SPG11: variants seen among roughly 807,000 people sequenced by gnomAD.
SPG11 encodes the protein SPG11 vesicle trafficking associated, spatacsin, also known as spatacsin.
In SPG11, 222 loss-of-function variants were observed where a neutral mutation model predicts 274.0. The ratio of observed to expected loss-of-function variants is 0.81; its 90% confidence interval spans 0.73 to 0.91. SPG11 has a LOEUF of 0.91. Ranked by LOEUF, SPG11 falls within the 40% of genes least tolerant of loss-of-function variation. The probability of loss-of-function intolerance (pLI) is 0.00; values close to 1 mark genes in which losing one functional copy is unlikely to be tolerated. For missense variants in SPG11, 3,114 were observed against 2,872.7 expected (o/e 1.08, Z -1.92); for synonymous variants, 1,144 against 1,039.7 (o/e 1.10, Z -1.93).
chr15:44,647,393 C>T (rs775046852), intron 7 of SPG11, among the ~76,000 whole-genome samples: 30 of 152,068 alleles, frequency 2.0e-4, no homozygotes, highest in Non-Finnish European at 4.3e-4. Context: ...TAATAAATGA[C>T]CCAGTAATTC....
At chr15:44,632,832 C>T (rs2084112095) in intron 8 of SPG11, among the ~76,000 whole-genome samples, 1 of 152,100 alleles carries the variant, frequency 6.6e-6, no homozygotes, top group African/African-American at 2.4e-5. Context: ...AAATCCTAAT[C>T]CACAACTCAG....
At chr15:44,629,189 C>A (rs769556241) in intron 9 of SPG11, 44 bp downstream of exon 9, 10 of 1,599,674 alleles carry the variant, frequency 6.3e-6, no homozygotes, top group Middle Eastern at 1.7e-4. Flanking sequence ...TCTGTTCTGA[C>A]ACAGGAACAG....
At chr15:44,631,953 T>G (rs1319768249) in intron 8 of SPG11, among the ~76,000 whole-genome samples, 1 of 151,362 alleles carries the variant, frequency 6.6e-6, no homozygotes, top group East Asian at 1.9e-4. Flanking sequence ...AGACCACACA[T>G]GCACACCACC....
In SPG11 at chr15:44,629,399, A is replaced by T. The variant is rs12907846; in HGVS notation, c.1736-11T>A. ...TCAGCTCTTCCACATCTGAGAAAGA[A>T]CCAAAGAAATTAACATAAAGAACAC... On this transcript the variant is annotated splice_polypyrimidine_tract_variant and intron_variant, in intron 8 of 39. Transcript: ENST00000261866. 1.2e-6 allele frequency: 2 copies of T among 1,613,740 alleles called. No individual in the cohort carries two copies. Among genetic ancestry groups the T allele is most frequent in the Non-Finnish European group, 1.7e-6 (2 of 1,179,810 alleles).
intron 12 of SPG11, 158 bp downstream of exon 12, chr15:44,622,570 T>C (rs1056368491): frequency 3.9e-6 from 3 of 766,900 alleles, no homozygotes; most frequent in Non-Finnish European, 4.3e-6. Flanking sequence ...TGAAGAAAGA[T>C]GAAGGGGAAA....
intron 7 of SPG11, among the ~76,000 whole-genome samples, chr15:44,646,790 A>G (rs1860812281): frequency 6.6e-6 from 1 of 152,112 alleles, no homozygotes; most frequent in Non-Finnish European, 1.5e-5. Flanking sequence ...CACATGAACA[A>G]AAAGAAGAGA....
At position 44,596,305 on chromosome 15, in the gene SPG11, C is replaced by G; in HGVS notation, c.4212G>C (p.Arg1404Ser). ...CTGAGGGCAAGTTCTCAAAAGCCAG[C>G]CTTAAGTGGTCTTGAATGACTGGGC... ...YFSPVIQDHL[R>S]LAFENLPSVP... The change falls in exon 25 of 40, where the codon AGG becomes AGC. Residue 1404 changes from arginine to serine, a missense_variant. Physicochemically the swap from Arg to Ser is moderately radical, Grantham distance 110 (BLOSUM62 -1). Transcript: ENST00000261866. 1 of 1,614,114 alleles carries G rather than the reference C, an allele frequency of 6.2e-7. No homozygotes were observed. The highest frequency in any genetic ancestry group is 8.5e-7 in the Non-Finnish European group (1 of 1,180,002).
intron 11 of SPG11, among the ~76,000 whole-genome samples, chr15:44,625,505 T>C (rs114439505): frequency 0.012 from 1,843 of 152,182 alleles, 50 homozygotes; most frequent in African/African-American, 0.043. Context: ...CCCACTGCTC[T>C]CTCTTCCTCT....
chr15:44,605,986 T>C (rs200788157), intron 20 of SPG11, 39 bp downstream of exon 20: 1 of 1,545,620 alleles, frequency 6.5e-7, no homozygotes, highest in Non-Finnish European at 8.9e-7. Flanking sequence ...TAGTTAACAC[T>C]GCTAAAACAT....
rs765557765 is a variant in SPG11 at position 44,596,365 on chromosome 15, A to G, written c.4162-10T>C. ...GGATAAGGGATTTCACCTAGAAGGC[A>G]TATCAGATGATTAAACAGAAACCCA... is the stretch of plus-strand genomic sequence containing the variant. On this transcript the variant is annotated splice_polypyrimidine_tract_variant and intron_variant, in intron 24 of 39. Coordinates refer to ENST00000261866, the MANE Select transcript of SPG11 (RefSeq NM_025137.4). 3.7e-6 allele frequency: 6 copies of G among 1,613,946 alleles called. No homozygotes were observed. Among genetic ancestry groups the G allele is most frequent in the African/African-American group, 2.7e-5 (2 of 74,920 alleles).
At chr15:44,655,157 A>G (rs1267009783) in intron 4 of SPG11, among the ~76,000 whole-genome samples, 1 of 152,194 alleles carries the variant, frequency 6.6e-6, no homozygotes, top group Non-Finnish European at 1.5e-5. Flanking sequence ...TAGCTGGCAC[A>G]GTGACGTGAA....
intron 35 of SPG11, among the ~76,000 whole-genome samples, chr15:44,569,181 A>G (rs999909671): frequency 6.9e-6 from 1 of 145,172 alleles, no homozygotes; most frequent in Non-Finnish European, 1.5e-5. Context: ...AAAAAAAAGA[A>G]AAAGAAAAAA....
At chr15:44,569,873 T>A (rs1314943170) in intron 34 of SPG11, among the ~76,000 whole-genome samples, 1 of 152,136 alleles carries the variant, frequency 6.6e-6, no homozygotes, top group Non-Finnish European at 1.5e-5. Context: ...TGTGCCACCA[T>A]GCCTGGCTAA....
intron 14 of SPG11, chr15:44,621,503 C>A: frequency 2.2e-6 from 1 of 445,790 alleles, no homozygotes; most frequent in Non-Finnish European, 4.1e-6. Flanking sequence ...AACAGATTGT[C>A]ACTTTGAAGC....
In SPG11 at chr15:44,596,310, A is replaced by C; in HGVS notation, c.4207T>G (p.Leu1403Val). 1 of 1,614,184 alleles carries C rather than the reference A, an allele frequency of 6.2e-7. No individual in the cohort carries two copies. Among genetic ancestry groups the C allele is most frequent in the Non-Finnish European group, 8.5e-7 (1 of 1,180,024 alleles). The change falls in exon 25 of 40, where the codon TTA becomes GTA. Residue 1403 changes from leucine to valine, a missense_variant. By Grantham distance (32) the Leu-to-Val change is conservative. Coordinates refer to ENST00000261866, the MANE Select transcript of SPG11 (RefSeq NM_025137.4). ...QYFSPVIQDH[L>V]RLAFENLPSV... ...GGCAAGTTCTCAAAAGCCAGCCTTA[A>C]GTGGTCTTGAATGACTGGGCTGAAG...
chr15:44,606,891 T>G (rs2083334917), intron 19 of SPG11, among the ~76,000 whole-genome samples: 1 of 152,158 alleles, frequency 6.6e-6, no homozygotes, highest in African/African-American at 2.4e-5. Flanking sequence ...CCAAACTACT[T>G]TACGTAGTGA....
At chr15:44,580,061 C>A (rs2082628751) in intron 30 of SPG11, among the ~76,000 whole-genome samples, 1 of 152,226 alleles carries the variant, frequency 6.6e-6, no homozygotes. Context: ...GAGCCCTTTA[C>A]AAATTGTACC....
intron 16 of SPG11, 88 bp from the exon 17 acceptor site, chr15:44,613,624 T>C: frequency 3.8e-6 from 3 of 794,416 alleles, no homozygotes; most frequent in South Asian, 3.0e-5. Context: ...GATTAGCATT[T>C]AAAAAAAGAA....
Position 44,564,597 on chromosome 15 carries a change from A to AAG in SPG11, c.7100_7101insCT (p.Lys2368LeufsTer7). 1.2e-6 allele frequency: 2 copies of AAG among 1,613,888 alleles called. No homozygotes were observed. Among genetic ancestry groups the AAG allele is most frequent in the Non-Finnish European group, 1.7e-6 (2 of 1,179,752 alleles). Reference sequence around the variant, plus strand: ...TGGACTTTAATAACCTTTGCTGCTTAAATTCTTCCAAGTAATTAAAGTCTC... The same window carrying AAG: ...TGGACTTTAATAACCTTTGCTGCTTAAGAATTCTTCCAAGTAATTAAAGTCTC... On this transcript the variant is annotated frameshift_variant, in exon 39 of 40. Coordinates refer to ENST00000261866, the MANE Select transcript of SPG11 (RefSeq NM_025137.4). LOFTEE classifies it high-confidence loss of function.
Sources: gnomAD v4.1 joint callset for allele counts (sites outside exome capture counted in the v4.1 genomes callset) on GRCh38, gnomAD v4.1.1 for gene constraint, MANE v1.5 for transcripts, NCBI Gene and HGNC (gene_info 2026-07-23, HGNC 2026-07-21) for gene names.